Variants in ANKMY1 observed in about 807,000 individuals in gnomAD.
ANKMY1 encodes the protein ankyrin repeat and MYND domain containing 1.
A neutral mutation model predicts 102.0 loss-of-function variants in ANKMY1; 98 were observed. That is an observed-to-expected ratio of 0.96 (90% CI 0.82 to 1.14). ANKMY1 has a LOEUF of 1.14. Among genes scored for constraint, ANKMY1 ranks in the 50% most tolerant of loss-of-function variants. The pLI is 0.00. For synonymous variants in ANKMY1, 582 were observed against 559.9 expected (o/e 1.04, Z -0.56); for missense variants, 1,330 against 1,347.6 (o/e 0.99, Z 0.20).
downstream of ANKMY1, among the ~76,000 whole-genome samples, chr2:240,479,162 T>C (rs2075064426): frequency 6.6e-6 from 1 of 152,162 alleles, no homozygotes; most frequent in South Asian, 2.1e-4. Context: ...CTTGCACCCA[T>C]GGGCACCTGA....
the ANKMY1 span, among the ~76,000 whole-genome samples, chr2:240,469,510 CTCAG>C: frequency 9.2e-5 from 14 of 152,354 alleles, no homozygotes; most frequent in African/African-American, 2.6e-4. Flanking sequence ...AGAGCAGCCC[CTCAG>C]TCAGCCTCCC....
chr2:240,484,137 A>G (rs1250103968), intron 15 of ANKMY1, among the ~76,000 whole-genome samples: 1 of 152,236 alleles, frequency 6.6e-6, no homozygotes, highest in Non-Finnish European at 1.5e-5. Flanking sequence ...TAGTGCTGCA[A>G]TAAACATATG....
chr2:240,475,690 TTTGTATGCTGATA>T (rs1279377069), downstream of ANKMY1, among the ~76,000 whole-genome samples: 65 of 151,958 alleles, frequency 4.3e-4, no homozygotes, highest in Non-Finnish European at 7.4e-5. Flanking sequence ...ACAACTAATT[TTTGTATGCTGATA>T]TTGTATCTTG....
rs746432795 is a variant in ANKMY1 at position 240,509,455 on chromosome 2, A to C, written c.2287T>G (p.Cys763Gly). 6.2e-6 allele frequency: 10 copies of C among 1,609,728 alleles called. 2 individuals carry two copies. In the South Asian group the frequency reaches 1.1e-4, roughly 18 times the overall value. Reference sequence around the variant, plus strand: ...AGGAGCCGGACTATGTCCCTGGCACACTGGGTGGGGAGAAATGACAGGTTA... The same window carrying C: ...AGGAGCCGGACTATGTCCCTGGCACCCTGGGTGGGGAGAAATGACAGGTTA... ...MACEREDDNK[C>G]ARDIVRLLLS... is the part of the protein sequence containing the mutation. The change falls in exon 12 of 18, where the codon TGT becomes GGT. Residue 763 changes from cysteine (C) to glycine (G), a missense_variant and splice_region_variant. Coordinates refer to ENST00000401804, the MANE Select transcript of ANKMY1 (RefSeq NM_001282771.3).
chr2:240,481,058 G>A lies in ANKMY1; in HGVS notation c.2925C>T (p.Ser975=). ...FFKFCYQCGR[S]IGVRLLPCPR... ...GGCAGGGCAAGAGGCGGACCCCGAT[G>A]GAGCGGCCACACTGGTAGCAGAACT... is the stretch of plus-strand genomic sequence containing the variant. The change falls in exon 17 of 18, where the codon TCC becomes TCT. Residue 975 remains serine, a synonymous_variant. Transcript: ENST00000401804. 3 of 1,613,472 alleles carry A rather than the reference G, an allele frequency of 1.9e-6. No individual in the cohort carries two copies. Among genetic ancestry groups the A allele is most frequent in the Non-Finnish European group, 2.5e-6 (3 of 1,179,514 alleles).
chr2:240,538,166 G>A (rs767078317), intron 4 of ANKMY1, among the ~76,000 whole-genome samples: 2 of 152,194 alleles, frequency 1.3e-5, no homozygotes, highest in Non-Finnish European at 2.9e-5. Flanking sequence ...CTGACTCCGC[G>A]TCCGCTCCCG....
the ANKMY1 span, among the ~76,000 whole-genome samples, chr2:240,470,913 G>C: frequency 1.3e-5 from 2 of 152,206 alleles, no homozygotes; most frequent in Admixed American, 1.3e-4. Context: ...CAATGAATGG[G>C]AAGTGGGGAG....
chr2:240,506,859 G>A lies in ANKMY1; in HGVS notation c.2526+701C>T, dbSNP rs1011377646. ...AGAGTTTCCCAGAGCCACATGGGAG[G>A]GACACTCCAGGGACGTGCCTAGGGC... is the stretch of plus-strand genomic sequence containing the variant. On this transcript the variant is annotated intron_variant, in intron 13 of 17. Coordinates refer to ENST00000401804, the MANE Select transcript of ANKMY1 (RefSeq NM_001282771.3). The surrounding 1 kb of genome is among the most constrained non-coding windows in gnomAD (Gnocchi z 4.9). Among the ~76,000 whole-genome samples, 1 of 152,138 alleles carries A rather than the reference G, an allele frequency of 6.6e-6. No individual in the cohort carries two copies. The highest frequency in any genetic ancestry group is 2.4e-5 in the African/African-American group (1 of 41,436).
intron 4 of ANKMY1, among the ~76,000 whole-genome samples, chr2:240,547,079 C>T (rs2090538052): frequency 6.6e-6 from 1 of 152,172 alleles, no homozygotes; most frequent in South Asian, 2.1e-4. Context: ...CACCACACCA[C>T]ACCTATTCCA....
intron 3 of ANKMY1, chr2:240,554,228 G>C (rs1465744307): frequency 2.0e-5 from 3 of 152,422 alleles, no homozygotes; most frequent in Admixed American, 1.3e-4. Flanking sequence ...GCATCCCCAA[G>C]TCAGACCAGC....
At chr2:240,513,229 T>A (rs775097670) in intron 9 of ANKMY1, among the ~76,000 whole-genome samples, 2 of 152,286 alleles carry the variant, frequency 1.3e-5, no homozygotes, top group Non-Finnish European at 2.9e-5. Context: ...TTTAAGCCAC[T>A]GTCCACAACT....
At position 240,512,795 on chromosome 2, in the gene ANKMY1, T is replaced by C. The variant is rs12695026; in HGVS notation, c.2145+7A>G. The stretch of plus-strand genomic sequence containing the variant: ...CCATACCCCTATCCAGGTCGCGAGG[T>C]ACACACCTTGCCGGGCTTGTAAGTG... On this transcript the variant is annotated splice_region_variant and intron_variant, in intron 10 of 17. Transcript: ENST00000401804. The C allele has an allele frequency of 0.68, 1,094,445 of 1,612,226 alleles. 373,976 individuals carry two copies. The highest frequency in any genetic ancestry group is 0.8 in the East Asian group (35,704 of 44,796).
In ANKMY1 at chr2:240,553,014, C is replaced by T; in HGVS notation, c.380G>A (p.Gly127Asp). Reference sequence around the variant, plus strand: ...GGAGCCATCTGGCCACATGTAGGTACCCAGGCCATGGCAGTGGTCCCGGTA... The same window carrying T: ...GGAGCCATCTGGCCACATGTAGGTATCCAGGCCATGGCAGTGGTCCCGGTA... ...QFYRDHCHGL[G>D]TYMWPDGSSF... Residue 127 changes from glycine (G) to aspartate (D), a missense_variant, in exon 4 of 18, where the codon GGT (glycine) becomes GAT (aspartate). Transcript: ENST00000401804. 6.2e-7 allele frequency: 1 copy of T among 1,614,002 alleles called. No homozygotes were observed. The highest frequency in any genetic ancestry group is 8.5e-7 in the Non-Finnish European group (1 of 1,179,996).
chr2:240,540,199 T>G (rs1313477733), intron 4 of ANKMY1, among the ~76,000 whole-genome samples: 1 of 152,210 alleles, frequency 6.6e-6, no homozygotes, highest in Middle Eastern at 3.2e-3. Flanking sequence ...ACATCCCACC[T>G]TTTTGGACCT....
upstream of ANKMY1, chr2:240,560,645 A>T: frequency 6.8e-7 from 1 of 1,460,804 alleles, no homozygotes. Flanking sequence ...CCCCCAAAAT[A>T]GATCCTCAGG....
At chr2:240,556,788 C>T (rs1480544109) in intron 2 of ANKMY1, among the ~76,000 whole-genome samples, 1 of 152,128 alleles carries the variant, frequency 6.6e-6, no homozygotes, top group Non-Finnish European at 1.5e-5. Flanking sequence ...GTTTTGGAGG[C>T]CCACAAACAG....
chr2:240,529,636 T>A lies in ANKMY1; in HGVS notation c.481-127A>T. The A allele has an allele frequency of 1.1e-6, 1 of 918,278 alleles. No individual in the cohort carries two copies. Among genetic ancestry groups the A allele is most frequent in the Non-Finnish European group, 1.6e-6 (1 of 627,014 alleles). 56.9% of individuals were successfully genotyped at this position (918,278 alleles called of 1,614,324 possible). Reference sequence around the variant, plus strand: ...CCAAGAAATGCATGCATTCAGCCAGTAAACATCTCTGGAGGCTTAGGCTGT... The same window carrying A: ...CCAAGAAATGCATGCATTCAGCCAGAAAACATCTCTGGAGGCTTAGGCTGT... On this transcript the variant is annotated intron_variant, in intron 4 of 17. Transcript: ENST00000401804. This position sits in a 1 kb window ranked among gnomAD's most constrained non-coding sequence, Gnocchi z 4.2.
Position 240,529,222 on chromosome 2 carries a change from A to G in ANKMY1, c.768T>C (p.Pro256=). 1.2e-6 allele frequency: 2 copies of G among 1,614,172 alleles called. No individual in the cohort carries two copies. Among genetic ancestry groups the G allele is most frequent in the Non-Finnish European group, 1.7e-6 (2 of 1,180,034 alleles). Residue 256 remains proline, a synonymous_variant, in exon 5 of 18, where the codon CCT becomes CCC. Coordinates refer to ENST00000401804, the MANE Select transcript of ANKMY1 (RefSeq NM_001282771.3). This position sits in a 1 kb window ranked among gnomAD's most constrained non-coding sequence, Gnocchi z 4.2. ...RFLLNDNLTL[P]PEMYVYSTNS... is the part of the protein sequence containing the mutation. ...TGGTCGAGTAGACATACATTTCTGGAGGCAGCGTTAGGTTGTCATTCAGAA... is the reference window on the plus strand; with the variant it reads ...TGGTCGAGTAGACATACATTTCTGGGGGCAGCGTTAGGTTGTCATTCAGAA...
intron 9 of ANKMY1, among the ~76,000 whole-genome samples, chr2:240,515,564 G>A (rs777397812): frequency 6.6e-6 from 1 of 152,002 alleles, no homozygotes; most frequent in Non-Finnish European, 1.5e-5. Context: ...ATTGTAAAAG[G>A]TTATAAACGT....
Sources: gnomAD v4.1 joint callset for allele counts (sites outside exome capture counted in the v4.1 genomes callset) on GRCh38, gnomAD v4.1.1 for gene constraint, Gnocchi (gnomAD v3.1) non-coding constraint, MANE v1.5 for transcripts, NCBI Gene and HGNC (gene_info 2026-07-23, HGNC 2026-07-21) for gene names.